NCAM1: variants seen among roughly 807,000 people sequenced by gnomAD.
NCAM1 encodes the protein antigen recognized by monoclonal antibody 5.1H11.
NCAM1 carries 14 observed loss-of-function variants against 109.8 expected under a neutral mutation model. The observed-to-expected ratio is 0.13, with a 90% CI of 0.08 to 0.20. The LOEUF (loss-of-function observed/expected upper bound fraction) is 0.20. Ranked by LOEUF, NCAM1 falls within the 10% of genes least tolerant of loss-of-function variation. The pLI is 1.00. For missense variants in NCAM1, 774 were observed against 1,109.9 expected (o/e 0.70, Z 4.30); for synonymous variants, 418 against 442.9 (o/e 0.94, Z 0.70).
At chr11:113,147,028 CAATT>C (rs1490507385) in intron 1 of NCAM1, among the ~76,000 whole-genome samples, 6 of 151,072 alleles carry the variant, frequency 4.0e-5, no homozygotes, top group African/African-American at 1.2e-4. Context: ...AGAATGATCT[CAATT>C]GATAAGTTTC....
intron 1 of NCAM1, among the ~76,000 whole-genome samples, chr11:113,073,110 G>A (rs1938363473): frequency 1.3e-5 from 2 of 152,078 alleles, no homozygotes; most frequent in South Asian, 4.2e-4. Context: ...CACAGTATTT[G>A]TCCTTTTGTG....
At chr11:113,159,319 G>T (rs140994722) in intron 1 of NCAM1, among the ~76,000 whole-genome samples, 1,903 of 152,196 alleles carry the variant, frequency 0.013, 37 homozygotes, top group African/African-American at 0.043. Flanking sequence ...TCTTAAGTGA[G>T]ATGTTTATGT....
chr11:113,165,595 C>T (rs1006446616), intron 1 of NCAM1, among the ~76,000 whole-genome samples: 2 of 152,132 alleles, frequency 1.3e-5, no homozygotes, highest in African/African-American at 4.8e-5. Context: ...TCCCCCACCC[C>T]CGATGGGACC....
At chr11:113,266,005 G>T (rs1946127260) in intron 17 of NCAM1, among the ~76,000 whole-genome samples, 1 of 152,126 alleles carries the variant, frequency 6.6e-6, no homozygotes, top group Non-Finnish European at 1.5e-5. Context: ...CCCTGTCCTG[G>T]GCAGCTCTGA....
intron 18 of NCAM1, among the ~76,000 whole-genome samples, chr11:113,271,209 A>C (rs571402472): frequency 6.6e-6 from 1 of 152,116 alleles, no homozygotes; most frequent in Non-Finnish European, 1.5e-5. Context: ...GCCTCTACTA[A>C]AAATACAAAA....
chr11:113,239,835 C>T (rs781852405), intron 14 of NCAM1, among the ~76,000 whole-genome samples: 1 of 152,046 alleles, frequency 6.6e-6, no homozygotes, highest in Non-Finnish European at 1.5e-5. Context: ...AATGAGATGC[C>T]CTCATGTGGA....
Position 113,273,774 on chromosome 11 carries a change from A to G in NCAM1, c.2457-1493A>G, listed in dbSNP as rs2137807166. 2 of 418,242 alleles carry G rather than the reference A, an allele frequency of 4.8e-6. No individual in the cohort carries two copies. The highest frequency in any genetic ancestry group is 1.7e-5 in the South Asian group (1 of 59,414). The allele number at this position is 418,242 out of a possible 1,614,324, so 25.9% of individuals were successfully genotyped here. A position where few individuals can be genotyped will look rare whatever the true frequency, so the allele number is the denominator to read the frequency against. On this transcript the variant is annotated intron_variant, in intron 19 of 19. Coordinates refer to ENST00000316851, the MANE Select transcript of NCAM1 (RefSeq NM_181351.5). This position sits in a 1 kb window ranked among gnomAD's most constrained non-coding sequence, Gnocchi z 6.0. ...GTACGGCCTCTCTTTGTCTGCTGTC[A>G]TCGGGTTGTGTCCTGTGGTGGTGTG...
At chr11:113,024,782 C>G (rs1952488145) in intron 1 of NCAM1, among the ~76,000 whole-genome samples, 1 of 152,042 alleles carries the variant, frequency 6.6e-6, no homozygotes, top group Admixed American at 6.6e-5. Flanking sequence ...GAAATTAACC[C>G]CCTCTATTTT....
chr11:113,177,633 A>G (rs1555107283), intron 1 of NCAM1, among the ~76,000 whole-genome samples: 1 of 152,032 alleles, frequency 6.6e-6, no homozygotes, highest in Non-Finnish European at 1.5e-5. Flanking sequence ...GGGTTTCATC[A>G]TGTTGGTCAG....
intron 16 of NCAM1, 84 bp downstream of exon 16, chr11:113,256,085 G>T: frequency 6.6e-7 from 1 of 1,511,746 alleles, no homozygotes; most frequent in Non-Finnish European, 8.9e-7. Context: ...GGCAGCCCAC[G>T]GGGCAGGGGT....
chr11:113,157,136 G>GACACACACACACACACACACACAC (rs112454729), intron 1 of NCAM1, among the ~76,000 whole-genome samples: 22 of 146,876 alleles, frequency 1.5e-4, no homozygotes, highest in African/African-American at 5.5e-4. Flanking sequence ...GTTTCCCTGA[G>GACACACACACACACACACACACAC]ACACACACAC....
intron 1 of NCAM1, among the ~76,000 whole-genome samples, chr11:113,168,712 A>C (rs1405243466): frequency 8.5e-5 from 13 of 152,328 alleles, no homozygotes; most frequent in African/African-American, 3.1e-4. Flanking sequence ...CAAAAATTGC[A>C]GAGCAATTTG....
intron 1 of NCAM1, among the ~76,000 whole-genome samples, chr11:113,122,503 G>A (rs969523256): frequency 3.3e-5 from 5 of 152,134 alleles, no homozygotes; most frequent in South Asian, 4.1e-4. Context: ...AAAGAAACTC[G>A]CCGGGCATGG....
At chr11:113,264,561 A>T (rs746254054) in intron 17 of NCAM1, 81 of 985,306 alleles carry the variant, frequency 8.2e-5, no homozygotes, top group Non-Finnish European at 9.5e-5. Flanking sequence ...AGTGTGGGAG[A>T]GCTACTGGCT....
At chr11:113,264,030 A>T (rs1210486075) in intron 17 of NCAM1, 4 of 985,170 alleles carry the variant, frequency 4.1e-6, no homozygotes, top group Non-Finnish European at 4.8e-6. Flanking sequence ...CACCCAGGAG[A>T]GGAAATGGGT....
chr11:113,196,331 CT>C (rs1464420281), intron 1 of NCAM1, among the ~76,000 whole-genome samples: 1 of 152,128 alleles, frequency 6.6e-6, no homozygotes, highest in East Asian at 1.9e-4. Context: ...TAAATTCAGT[CT>C]TTTATATCTG....
chr11:113,087,036 T>C lies in NCAM1; in HGVS notation c.53-115343T>C, dbSNP rs187161135. Among the ~76,000 whole-genome samples, 12 of 152,352 alleles carry C rather than the reference T, an allele frequency of 7.9e-5. No individual in the cohort carries two copies. In the East Asian group the frequency reaches 2.3e-3, roughly 29 times the overall value. ...GCAGATTAGTTCAAGCCTACAGATA[T>C]ATTTTTCGACTGAGGCTTTAGAATC... On this transcript the variant is annotated intron_variant, in intron 1 of 19. Transcript: ENST00000316851.
intron 1 of NCAM1, among the ~76,000 whole-genome samples, chr11:113,045,752 C>T (rs147176910): frequency 1.0e-3 from 152 of 151,904 alleles, no homozygotes; most frequent in Non-Finnish European, 2.0e-3. Context: ...AACCTGTCTT[C>T]TAAAATAGGC....
Position 113,150,120 on chromosome 11 carries a change from AAAAT to A in NCAM1, c.53-52251_53-52248del, listed in dbSNP as rs1942173400. The stretch of plus-strand genomic sequence containing the variant: ...CAAAGTCTGCTTTATTTAAAATAAA[AAAAT>A]AAATAAACATTTCTAAGGTAAAAGT... On this transcript the variant is annotated intron_variant, in intron 1 of 19. Transcript: ENST00000316851. Among the ~76,000 whole-genome samples, 8 of 152,380 alleles carry A rather than the reference AAAAT, an allele frequency of 5.3e-5. No homozygotes were observed. The South Asian group carries it at 1.2e-3, about 24-fold the overall frequency.
Sources: allele counts gnomAD v4.1 joint callset (sites outside exome capture counted in the v4.1 genomes callset), GRCh38; gene constraint gnomAD v4.1.1; non-coding constraint Gnocchi (gnomAD v3.1); transcripts MANE v1.5; gene names NCBI Gene and HGNC (gene_info 2026-07-23, HGNC 2026-07-21).